KIAA1549: variants seen among roughly 807,000 people sequenced by gnomAD.
KIAA1549 encodes the protein KIAA1549, also known as UPF0606 protein KIAA1549.
KIAA1549 carries 70 observed loss-of-function variants against 156.4 expected under a neutral mutation model. That is an observed-to-expected ratio of 0.45 (90% CI 0.37 to 0.55). The LOEUF is 0.55. KIAA1549 is among the 20% of genes least tolerant of loss of function. KIAA1549 has a pLI of 0.00. For synonymous variants in KIAA1549, 1,103 were observed against 1,066.4 expected (o/e 1.03, Z -0.67); for missense variants, 2,428 against 2,540.9 (o/e 0.96, Z 0.96).
chr7:138,873,719 A>G (rs958789020), intron 12 of KIAA1549, among the ~76,000 whole-genome samples: 3 of 151,476 alleles, frequency 2.0e-5, no homozygotes, highest in African/African-American at 7.3e-5. Flanking sequence ...CTCCCACTGT[A>G]GTCACGGCCC....
chr7:138,891,687 A>G (rs1811551859), intron 10 of KIAA1549, among the ~76,000 whole-genome samples: 1 of 152,120 alleles, frequency 6.6e-6, no homozygotes, highest in African/African-American at 2.4e-5. Context: ...AGATGTTTGC[A>G]GCTCTGGGAT....
rs116440769 is a variant in KIAA1549, at chr7:138,958,233, G to A, written c.187+22850C>T. ...CGGGTTCAGCCTGCCTGGCGCCCAC[G>A]CCCACCCCAGTCTTGCCTTGGGGAA... On this transcript the variant is annotated intron_variant, in intron 1 of 19. Coordinates refer to ENST00000422774, the MANE Select transcript of KIAA1549 (RefSeq NM_001164665.2). Among the ~76,000 whole-genome samples the A allele has an allele frequency of 7.6e-3, 1,022 of 133,864 alleles. 10 individuals carry two copies. Among genetic ancestry groups the A allele is most frequent in the African/African-American group, 0.034 (977 of 28,646 alleles). The allele number at this position is 133,864 out of a possible 152,430, so 87.8% of individuals were successfully genotyped here.
At chr7:138,935,581 C>T (rs1812986950) in intron 1 of KIAA1549, among the ~76,000 whole-genome samples, 1 of 152,198 alleles carries the variant, frequency 6.6e-6, no homozygotes, top group South Asian at 2.1e-4. Context: ...AGATAATCTT[C>T]TGTCTCCTAT....
At chr7:138,843,764 A>G (rs530535338) in intron 18 of KIAA1549, among the ~76,000 whole-genome samples, 2 of 152,246 alleles carry the variant, frequency 1.3e-5, no homozygotes, top group African/African-American at 4.8e-5. Flanking sequence ...TGTAAAGTTC[A>G]GGAAAACCTA....
chr7:138,898,239 A>C (rs1330848810), intron 9 of KIAA1549, among the ~76,000 whole-genome samples: 1 of 148,050 alleles, frequency 6.8e-6, no homozygotes, highest in Non-Finnish European at 1.5e-5. Flanking sequence ...CCCGGGAGGC[A>C]GAGGTTGCAG....
At chr7:138,911,427 G>A in intron 3 of KIAA1549, 104 bp from the exon 4 acceptor site, 1 of 831,180 alleles carries the variant, frequency 1.2e-6, no homozygotes. Context: ...TTTGAATGAA[G>A]GGGTAGTGCA....
chr7:138,861,697 A>G (rs1198475818), intron 15 of KIAA1549, among the ~76,000 whole-genome samples: 1 of 151,222 alleles, frequency 6.6e-6, no homozygotes, highest in Admixed American at 6.6e-5. Flanking sequence ...CTCTAAAAAA[A>G]AAAAAAAAGA....
chr7:138,905,981 C>G (rs1191425694), intron 6 of KIAA1549, among the ~76,000 whole-genome samples: 1 of 152,198 alleles, frequency 6.6e-6, no homozygotes, highest in Non-Finnish European at 1.5e-5. Flanking sequence ...GTCAAACTTT[C>G]CTGCGGCCCT....
At chr7:138,976,234 A>C (rs1447211554) in intron 1 of KIAA1549, among the ~76,000 whole-genome samples, 1 of 151,722 alleles carries the variant, frequency 6.6e-6, no homozygotes, top group East Asian at 1.9e-4. Context: ...CTGCCACCAC[A>C]CCCGGCTAAT....
chr7:138,842,117 G>C (rs190547117), intron 18 of KIAA1549, among the ~76,000 whole-genome samples: 80 of 152,306 alleles, frequency 5.3e-4, no homozygotes, highest in African/African-American at 1.7e-3. Flanking sequence ...AGAGCAGCGC[G>C]GTGTTCCCTG....
At chr7:138,954,123 T>C (rs1249859315) in intron 1 of KIAA1549, among the ~76,000 whole-genome samples, 2 of 152,196 alleles carry the variant, frequency 1.3e-5, no homozygotes, top group Non-Finnish European at 1.5e-5. Flanking sequence ...TAATAAAAAT[T>C]GGCTTCTAAC....
chr7:138,870,600 C>G (rs1316302393), intron 13 of KIAA1549, among the ~76,000 whole-genome samples: 1 of 152,152 alleles, frequency 6.6e-6, no homozygotes, highest in Non-Finnish European at 1.5e-5. Context: ...GCTGAAGTGG[C>G]TCTTTCTGAG....
At position 138,844,396 on chromosome 7, in the gene KIAA1549, T is replaced by C; in HGVS notation, c.5373A>G (p.Glu1791=). The C allele has an allele frequency of 6.2e-7, 1 of 1,609,192 alleles. No homozygotes were observed. The highest frequency in any genetic ancestry group is 8.5e-7 in the Non-Finnish European group (1 of 1,177,348). The change falls in exon 18 of 20, where the codon GAA becomes GAG. Residue 1791 remains glutamate, a synonymous_variant. Transcript: ENST00000422774. The part of the protein sequence containing the change: ...PDPQQPQASA[E]APFAARGIYS... Reference sequence around the variant, plus strand: ...AGATCCCTCTGGCAGCAAATGGGGCTTCGGCGGAGGCCTGTGGCTGCTGAG... The same window carrying C: ...AGATCCCTCTGGCAGCAAATGGGGCCTCGGCGGAGGCCTGTGGCTGCTGAG...
chr7:138,912,398 G>T lies in KIAA1549; in HGVS notation c.2941C>A (p.His981Asn). 1 of 1,613,888 alleles carries T rather than the reference G, an allele frequency of 6.2e-7. No individual in the cohort carries two copies. The highest frequency in any genetic ancestry group is 8.5e-7 in the Non-Finnish European group (1 of 1,179,812). Residue 981 changes from histidine (H) to asparagine (N), a missense_variant, in exon 3 of 20, where the codon CAC becomes AAC. By Grantham distance (68) the His-to-Asn change is moderately conservative. Transcript: ENST00000422774. ...ITAIKEVLRI[H>N]FNRAVELKVY... ...TTCAGTTCCACTGCACGGTTGAAGT[G>T]AATCCTCAGTACTTCTTTGATTGCT...
chr7:138,903,358 T>C (rs1025267266), intron 8 of KIAA1549, among the ~76,000 whole-genome samples: 3 of 152,230 alleles, frequency 2.0e-5, no homozygotes, highest in Non-Finnish European at 4.4e-5. Flanking sequence ...AGGTCTATTG[T>C]TATACTACTA....
Position 138,846,688 on chromosome 7 carries a change from C to G in KIAA1549, c.5295-2214G>C, listed in dbSNP as rs911952720. Among the ~76,000 whole-genome samples, 10 of 152,216 alleles carry G rather than the reference C, an allele frequency of 6.6e-5. No individual in the cohort carries two copies. The South Asian group carries it at 2.1e-3, about 32-fold the overall frequency. On this transcript the variant is annotated intron_variant, in intron 17 of 19. Coordinates refer to ENST00000422774, the MANE Select transcript of KIAA1549 (RefSeq NM_001164665.2). ...TTTGATCTCACAGACACGCCCTCCC[C>G]CAAAAGGGTCTCAAGCACCCTCCAG...
Position 138,871,302 on chromosome 7 carries a change from A to T in KIAA1549, c.4406T>A (p.Val1469Glu). The T allele has an allele frequency of 6.2e-7, 1 of 1,606,272 alleles. No individual in the cohort carries two copies. The highest frequency in any genetic ancestry group is 1.1e-5 in the South Asian group (1 of 89,836). The change falls in exon 13 of 20, where the codon GTG becomes GAG. Residue 1469 changes from valine (V) to glutamate (E), a missense_variant. Physicochemically the swap from Val to Glu is moderately radical, Grantham distance 121. Coordinates refer to ENST00000422774, the MANE Select transcript of KIAA1549 (RefSeq NM_001164665.2). ...QHSSASIFEH[V>E]DRISRPPEAS... ...CTCCGGGGGGCGGGAGATCCTGTCC[A>T]CGTGCTCGAAGATGGAGGCTGATGA... is the stretch of plus-strand genomic sequence containing the variant.
intron 4 of KIAA1549, among the ~76,000 whole-genome samples, chr7:138,910,330 G>A (rs1812132298): frequency 1.3e-5 from 2 of 151,968 alleles, no homozygotes; most frequent in African/African-American, 2.4e-5. Flanking sequence ...TTGAGCCCAG[G>A]AGTTCAACAC....
intron 14 of KIAA1549, 101 bp from the exon 15 acceptor site, chr7:138,868,229 C>G (rs1014340663): frequency 8.8e-7 from 1 of 1,139,204 alleles, no homozygotes; most frequent in Non-Finnish European, 1.3e-6. Context: ...GATGTGCTAC[C>G]CCTGGAAACA....
Sources: gnomAD v4.1 joint callset for allele counts (sites outside exome capture counted in the v4.1 genomes callset) on GRCh38, gnomAD v4.1.1 for gene constraint, MANE v1.5 for transcripts, NCBI Gene and HGNC (gene_info 2026-07-23, HGNC 2026-07-21) for gene names.